PUDP: variants seen among roughly 807,000 people sequenced by gnomAD.
The protein encoded by PUDP is pseudouridine 5'-phosphatase, also known as pseudouridine-5'-phosphatase.
Under a neutral mutation model 9.4 loss-of-function variants are expected in PUDP, and 8 were observed. That is an observed-to-expected ratio of 0.85 (90% CI 0.50 to 1.53). PUDP has a LOEUF of 1.53. PUDP is among the 40% of genes most tolerant of loss of function. The pLI, the probability that PUDP is intolerant of heterozygous loss-of-function variation, is 0.00. For missense variants in PUDP, 188 were observed against 189.7 expected, an observed-to-expected ratio of 0.99 and a Z score of 0.05; for synonymous variants, 99 against 80.7, an observed-to-expected ratio of 1.23 and a Z score of -1.22.
intron 1 of PUDP, among the ~76,000 whole-genome samples, chrX:7,121,974 C>A (rs1932354425): frequency 2.7e-5 from 3 of 111,752 alleles, no homozygotes; most frequent in Non-Finnish European, 5.6e-5. Context: ...TTGCTTGAGA[C>A]CAAGAGTTCG....
rs142848719 is a variant in PUDP, at chrX:6,804,198, G to A, written c.*248-97732C>T. Among the ~76,000 whole-genome samples, 4 of 111,065 alleles carry A rather than the reference G, an allele frequency of 3.6e-5. No homozygotes were observed. The East Asian group carries it at 8.6e-4, about 24-fold the overall frequency. On this transcript the variant is annotated intron_variant and NMD_transcript_variant, in intron 3 of 3. Coordinates refer to the PUDP transcript ENST00000655425. Reference sequence around the variant, plus strand: ...GGCACATGCATGTATCTCCACCCACGCTGGAAATTAACTGAAAAATCCTGG... The same window carrying A: ...GGCACATGCATGTATCTCCACCCACACTGGAAATTAACTGAAAAATCCTGG...
At chrX:7,141,453 A>G (rs1433507596) in intron 1 of PUDP, among the ~76,000 whole-genome samples, 2 of 113,003 alleles carry the variant, frequency 1.8e-5, no homozygotes, top group African/African-American at 6.4e-5. Context: ...CTTCACTTCT[A>G]TGGGGACTGA....
intron 3 of PUDP, among the ~76,000 whole-genome samples, chrX:6,844,814 G>T (rs1315217380): frequency 2.7e-5 from 3 of 112,285 alleles, no homozygotes; most frequent in Non-Finnish European, 5.6e-5. Context: ...CTAAGAACCA[G>T]GGGAATGGAT....
At chrX:7,041,850 C>T (rs1217070432) in intron 1 of PUDP, among the ~76,000 whole-genome samples, 7 of 86,123 alleles carry the variant, frequency 8.1e-5, no homozygotes, top group African/African-American at 2.8e-4. Context: ...CTTCTACTTC[C>T]CAGTCTCTCT....
intron 3 of PUDP, among the ~76,000 whole-genome samples, chrX:6,862,688 A>G (rs1447644944): frequency 8.9e-6 from 1 of 111,981 alleles, no homozygotes; most frequent in Non-Finnish European, 1.9e-5. Context: ...TATAGGCATG[A>G]AGCACAGCCA....
intron 3 of PUDP, among the ~76,000 whole-genome samples, chrX:6,807,499 T>C (rs1041105318): frequency 8.9e-6 from 1 of 112,564 alleles, no homozygotes; most frequent in Non-Finnish European, 1.9e-5. Context: ...TCTACTTCCA[T>C]TTGCGAGTGT....
At chrX:7,042,250 G>A (rs955720482) in intron 1 of PUDP, among the ~76,000 whole-genome samples, 1 of 110,749 alleles carries the variant, frequency 9.0e-6, no homozygotes, top group Non-Finnish European at 1.9e-5. Flanking sequence ...ATCATGGACA[G>A]AAGTGAGCTC....
At chrX:6,997,035 G>GA (rs1039990507) in intron 1 of PUDP, among the ~76,000 whole-genome samples, 1 of 110,333 alleles carries the variant, frequency 9.1e-6, no homozygotes, top group Non-Finnish European at 1.9e-5. Context: ...AGTACTAACT[G>GA]AAAAAAAATA....
chrX:7,008,482 C>T (rs1277437001), intron 1 of PUDP, among the ~76,000 whole-genome samples: 3 of 110,864 alleles, frequency 2.7e-5, no homozygotes, highest in African/African-American at 6.6e-5. Flanking sequence ...TATGGCAGGG[C>T]ACATTCTTTC....
intron 3 of PUDP, among the ~76,000 whole-genome samples, chrX:6,791,830 AC>A (rs1207251060): frequency 8.9e-6 from 1 of 112,494 alleles, no homozygotes; most frequent in Admixed American, 9.4e-5. Context: ...TGAGAAACTA[AC>A]ACATTTAGTG....
chrX:6,747,159 C>G (rs1281982074), intron 3 of PUDP, among the ~76,000 whole-genome samples: 1 of 111,922 alleles, frequency 8.9e-6, no homozygotes, highest in Admixed American at 9.5e-5. Context: ...TCAATACATA[C>G]TTTTGTAAAG....
chrX:7,052,244 C>G (rs1930122129), intron 3 of PUDP, among the ~76,000 whole-genome samples: 2 of 110,746 alleles, frequency 1.8e-5, no homozygotes, highest in African/African-American at 6.6e-5. Flanking sequence ...ACCATGTTGG[C>G]CAGGCTGGTC....
At chrX:7,064,215 C>T (rs1040657114) in intron 3 of PUDP, among the ~76,000 whole-genome samples, 15 of 111,684 alleles carry the variant, frequency 1.3e-4, no homozygotes, top group African/African-American at 4.9e-4. Context: ...AGAGCCCACT[C>T]TCTAGTCATG....
At chrX:6,995,004 C>T (rs1322481906) in intron 1 of PUDP, among the ~76,000 whole-genome samples, 1 of 110,565 alleles carries the variant, frequency 9.0e-6, no homozygotes, top group Non-Finnish European at 1.9e-5. Flanking sequence ...GAAGATGTGA[C>T]AAGAAATGAC....
At chrX:6,923,527 T>C (rs939564277) in intron 3 of PUDP, among the ~76,000 whole-genome samples, 1 of 111,883 alleles carries the variant, frequency 8.9e-6, no homozygotes, top group African/African-American at 3.3e-5. Context: ...AGAAATCTGC[T>C]TGTGATCCTT....
intron 1 of PUDP, among the ~76,000 whole-genome samples, chrX:7,134,184 T>G (rs764250667): frequency 3.6e-5 from 4 of 112,261 alleles, no homozygotes; most frequent in Admixed American, 1.9e-4. Context: ...ACGCAGCTCA[T>G]GTTTCACCTA....
At chrX:7,002,107 T>C (rs1215067698) in intron 1 of PUDP, among the ~76,000 whole-genome samples, 1 of 110,866 alleles carries the variant, frequency 9.0e-6, no homozygotes, top group Non-Finnish European at 1.9e-5. Context: ...TAGAAATCAA[T>C]ATAAAAAAGA....
chrX:6,736,733 A>C (rs1464795272), intron 3 of PUDP, among the ~76,000 whole-genome samples: 4 of 111,617 alleles, frequency 3.6e-5, no homozygotes, highest in Non-Finnish European at 7.5e-5. Flanking sequence ...CCATGATCCT[A>C]AGTGAAGTAA....
chrX:6,788,228 A>G (rs1272223301), intron 3 of PUDP, among the ~76,000 whole-genome samples: 1 of 112,213 alleles, frequency 8.9e-6, no homozygotes, highest in African/African-American at 3.2e-5. Flanking sequence ...TAAAATAGTC[A>G]ACACTTTATT....
Sources: gnomAD v4.1 joint callset for allele counts (sites outside exome capture counted in the v4.1 genomes callset) on GRCh38, gnomAD v4.1.1 for gene constraint, MANE v1.5 for transcripts, NCBI Gene and HGNC (gene_info 2026-07-23, HGNC 2026-07-21) for gene names.